Variants in PDZRN4 observed in about 807,000 individuals in gnomAD.
PDZRN4 encodes the protein PDZ domain containing ring finger 4.
Under a neutral mutation model 99.0 loss-of-function variants are expected in PDZRN4, and 70 were observed. That is an observed-to-expected ratio of 0.71 (90% confidence interval 0.58 to 0.86). The LOEUF is 0.86. Among genes scored for constraint, PDZRN4 ranks in the 40% least tolerant of loss-of-function variants. The pLI is 0.00. For missense variants in PDZRN4, 1,474 were observed against 1,331.2 expected (o/e 1.11, Z -1.67); for synonymous variants, 551 against 501.6 (o/e 1.10, Z -1.32).
intron 3 of PDZRN4, among the ~76,000 whole-genome samples, chr12:41,451,775 G>C (rs890902192): frequency 2.0e-5 from 3 of 152,116 alleles, no homozygotes; most frequent in African/African-American, 7.2e-5. Context: ...GTGTCCTGGA[G>C]CACAACCAGT....
At position 41,472,837 on chromosome 12, in the gene PDZRN4, A is replaced by T. The variant is rs565040746; in HGVS notation, c.844-33619A>T. Among the ~76,000 whole-genome samples the T allele has an allele frequency of 6.6e-4, 100 of 152,336 alleles. 1 individual carries two copies. Among genetic ancestry groups the T allele is most frequent in the Non-Finnish European group, 1.1e-3 (73 of 68,032 alleles). ...CATTGCCCTGCTAACTAGTGGAATCATATGTGAAACTAAGAAATTGAACAT... is the reference window on the plus strand; with the variant it reads ...CATTGCCCTGCTAACTAGTGGAATCTTATGTGAAACTAAGAAATTGAACAT... On this transcript the variant is annotated intron_variant, in intron 3 of 9. Transcript: ENST00000402685.
intron 3 of PDZRN4, among the ~76,000 whole-genome samples, chr12:41,294,152 A>G (rs907960657): frequency 1.3e-5 from 2 of 152,168 alleles, no homozygotes; most frequent in Admixed American, 1.3e-4. Context: ...TTAAACTTTC[A>G]TGCCATTGAA....
intron 3 of PDZRN4, among the ~76,000 whole-genome samples, chr12:41,262,551 A>G (rs1447357337): frequency 6.6e-6 from 1 of 152,242 alleles, no homozygotes; most frequent in Non-Finnish European, 1.5e-5. Flanking sequence ...GTATGGTTGT[A>G]GAGGTACAGA....
chr12:41,235,537 T>C (rs1016391973), intron 3 of PDZRN4, among the ~76,000 whole-genome samples: 10 of 152,198 alleles, frequency 6.6e-5, no homozygotes, highest in African/African-American at 2.2e-4. Context: ...AGTGTGCTTT[T>C]GAATGGTGAG....
chr12:41,314,293 C>T (rs1159910567), intron 3 of PDZRN4, among the ~76,000 whole-genome samples: 1 of 152,090 alleles, frequency 6.6e-6, no homozygotes, highest in Non-Finnish European at 1.5e-5. Flanking sequence ...GTTTCTGATC[C>T]TCCAACCCTA....
At position 41,550,208 on chromosome 12, in the gene PDZRN4, G is replaced by A. The variant is rs546003819; in HGVS notation, c.1204-2448G>A. 6.0e-4 allele frequency among the ~76,000 whole-genome samples: 91 copies of A among 152,208 alleles called. No homozygotes were observed. In the South Asian group the frequency reaches 0.015, roughly 25 times the overall value. On this transcript the variant is annotated intron_variant, in intron 5 of 9. Coordinates refer to ENST00000402685, the MANE Select transcript of PDZRN4 (RefSeq NM_001164595.2). ...AAACGTTCAAAAAAGAATGTCCCCCGCTGAAAATGTCTTCTCACAATACTG... is the reference window on the plus strand; with the variant it reads ...AAACGTTCAAAAAAGAATGTCCCCCACTGAAAATGTCTTCTCACAATACTG...
At chr12:41,474,430 A>AT (rs1416098793) in intron 3 of PDZRN4, among the ~76,000 whole-genome samples, 7 of 152,190 alleles carry the variant, frequency 4.6e-5, no homozygotes, top group African/African-American at 7.2e-5. Flanking sequence ...CAACAACCCA[A>AT]TGAGTGTGCT....
intron 5 of PDZRN4, among the ~76,000 whole-genome samples, chr12:41,535,631 AGGCTATTGGACCATGAG>A (rs1938736001): frequency 1.3e-5 from 2 of 152,124 alleles, no homozygotes; most frequent in Admixed American, 1.3e-4. Flanking sequence ...ACCTGATGAG[AGGCTATTGGACCATGAG>A]GGCTGTGTTC....
chr12:41,307,275 A>G (rs1951577305), intron 3 of PDZRN4, among the ~76,000 whole-genome samples: 1 of 151,824 alleles, frequency 6.6e-6, no homozygotes, highest in African/African-American at 2.4e-5. Context: ...TTAGGGTGAC[A>G]GCATGGTTGA....
At chr12:41,499,858 G>C (rs1008103949) in intron 3 of PDZRN4, among the ~76,000 whole-genome samples, 1 of 152,036 alleles carries the variant, frequency 6.6e-6, no homozygotes, top group Non-Finnish European at 1.5e-5. Context: ...TTAACTAAAT[G>C]TAATAATAGG....
intron 5 of PDZRN4, among the ~76,000 whole-genome samples, chr12:41,511,135 G>T (rs1397243906): frequency 6.6e-6 from 1 of 151,966 alleles, no homozygotes; most frequent in African/African-American, 2.4e-5. Context: ...CTTTCAGTTT[G>T]GGGACTGGAA....
At chr12:41,518,733 C>CT in intron 5 of PDZRN4, among the ~76,000 whole-genome samples, 1 of 152,110 alleles carries the variant, frequency 6.6e-6, no homozygotes, top group Admixed American at 6.6e-5. Flanking sequence ...AGGAGCATGG[C>CT]TTGAGGCCAG....
In PDZRN4 at chr12:41,477,002, A is replaced by C. The variant is rs187043470; in HGVS notation, c.844-29454A>C. Among the ~76,000 whole-genome samples the C allele has an allele frequency of 2.0e-3, 303 of 152,336 alleles. 2 individuals are homozygous for C. The highest frequency in any genetic ancestry group is 0.01 in the Middle Eastern group (3 of 294). ...CTATTTAGTGAAGATCTGAATATAC[A>C]AAAGTCATTTTGCATGAGCAACTTT... is the stretch of plus-strand genomic sequence containing the variant. On this transcript the variant is annotated intron_variant, in intron 3 of 9. Transcript: ENST00000402685.
At chr12:41,524,626 C>A (rs964951533) in intron 5 of PDZRN4, among the ~76,000 whole-genome samples, 1 of 151,980 alleles carries the variant, frequency 6.6e-6, no homozygotes, top group African/African-American at 2.4e-5. Context: ...GAATTACAGG[C>A]CCGATAATTC....
intron 3 of PDZRN4, 91 bp downstream of exon 3, chr12:41,194,279 G>T (rs1950757479): frequency 1.4e-6 from 1 of 694,304 alleles, no homozygotes; most frequent in Non-Finnish European, 2.5e-6. Context: ...TTGGTGTGGT[G>T]CTTATTAGAA....
rs1049588532 is a variant in PDZRN4, at chr12:41,573,863, T to C, written c.3084T>C (p.Asn1028=). 2.5e-6 allele frequency: 4 copies of C among 1,579,438 alleles called. No homozygotes were observed. Among genetic ancestry groups the C allele is most frequent in the African/African-American group, 1.4e-5 (1 of 73,478 alleles). Residue 1028 remains asparagine (N), a synonymous_variant, in exon 10 of 10, where the codon AAT becomes AAC. Coordinates refer to ENST00000402685, the MANE Select transcript of PDZRN4 (RefSeq NM_001164595.2). ...AKSPDGTRVH[N]AFLSVTTV is the part of the protein sequence containing the mutation. ...CTCCAGATGGCACGAGAGTCCATAA[T>C]GCCTTCTTGTCGGTGACCACTGTAT...
intron 3 of PDZRN4, among the ~76,000 whole-genome samples, chr12:41,384,639 C>T (rs1469118960): frequency 3.3e-5 from 5 of 152,084 alleles, no homozygotes; most frequent in Non-Finnish European, 5.9e-5. Flanking sequence ...TTGACTCTCT[C>T]TTATTTCTTG....
chr12:41,220,398 C>A (rs1423432746), intron 3 of PDZRN4, among the ~76,000 whole-genome samples: 1 of 152,052 alleles, frequency 6.6e-6, no homozygotes, highest in African/African-American at 2.4e-5. Context: ...TCTTAATTAC[C>A]TCTTTAAAGA....
At chr12:41,523,982 C>T (rs556300858) in intron 5 of PDZRN4, among the ~76,000 whole-genome samples, 2 of 152,228 alleles carry the variant, frequency 1.3e-5, no homozygotes, top group South Asian at 4.1e-4. Flanking sequence ...ATCATCACCA[C>T]AACCTATGCC....
Sources: allele counts gnomAD v4.1 joint callset (sites outside exome capture counted in the v4.1 genomes callset), GRCh38; gene constraint gnomAD v4.1.1; transcripts MANE v1.5; gene names NCBI Gene and HGNC (gene_info 2026-07-23, HGNC 2026-07-21).